UNC45A: variants seen among roughly 807,000 people sequenced by gnomAD.
The protein encoded by UNC45A is protein unc-45 homolog A.
In UNC45A, 78 loss-of-function variants were observed where a neutral mutation model predicts 103.2. The observed-to-expected ratio is 0.76, with a 90% CI of 0.63 to 0.91. UNC45A has a LOEUF of 0.91. Ranked by LOEUF, UNC45A falls within the 40% of genes least tolerant of loss-of-function variation. The probability of loss-of-function intolerance (pLI) is 0.00; values close to 1 mark genes in which losing one functional copy is unlikely to be tolerated. For synonymous variants in UNC45A, 495 were observed against 504.6 expected (o/e 0.98, Z 0.25); for missense variants, 1,193 against 1,224.8 (o/e 0.97, Z 0.39).
At position 90,953,064 on chromosome 15, in the gene UNC45A, T is replaced by G. The variant is rs1342001335; in HGVS notation, c.2421+18T>G. The G allele has an allele frequency of 5.0e-6, 8 of 1,613,518 alleles. No homozygotes were observed. Among genetic ancestry groups the G allele is most frequent in the Non-Finnish European group, 6.8e-6 (8 of 1,180,014 alleles). ...GCAAGGAGGTGAGGGTTGGTCTGGG[T>G]GCTCATGACAGGCGGGGATGCAGAG... is the stretch of plus-strand genomic sequence containing the variant. On this transcript the variant is annotated intron_variant, in intron 18 of 19. Transcript: ENST00000418476.
intron 4 of UNC45A, 145 bp downstream of exon 4, chr15:90,936,605 A>C: frequency 1.1e-6 from 1 of 949,944 alleles, no homozygotes. Context: ...AGATGACAGC[A>C]CATTACTGTT....
rs190644371 is a variant in UNC45A at position 90,935,468 on chromosome 15, C to T, written c.52-76C>T. 7.8e-5 allele frequency: 123 copies of T among 1,573,436 alleles called. No homozygotes were observed. The Middle Eastern group carries it at 8.5e-4, about 11-fold the overall frequency. The stretch of plus-strand genomic sequence containing the variant: ...CCATCCATGAGGCTCGCCCCGATCC[C>T]TCCTCTCCTCTCCCCTTAGCTCCCG... On this transcript the variant is annotated intron_variant, in intron 1 of 19. Coordinates refer to ENST00000418476, the MANE Select transcript of UNC45A (RefSeq NM_018671.5).
rs146513919 is a variant in UNC45A, at chr15:90,946,723, G to C, written c.1309G>C (p.Gly437Arg). The C allele has an allele frequency of 6.2e-7, 1 of 1,613,614 alleles. No individual in the cohort carries two copies. The highest frequency in any genetic ancestry group is 8.5e-7 in the Non-Finnish European group (1 of 1,180,040). ...DAGNRALELS[G>R]VMESVIALCA... is the part of the protein sequence containing the mutation. ...TGGCAACCGGGCCTTGGAGCTGAGCGGTGTCATGGAGAGTGTGATTGCTCT... is the reference window on the plus strand; with the variant it reads ...TGGCAACCGGGCCTTGGAGCTGAGCCGTGTCATGGAGAGTGTGATTGCTCT... The change falls in exon 10 of 20, where the codon GGT (glycine) becomes CGT (arginine). Residue 437 changes from glycine to arginine, a missense_variant. Gly to Arg is a moderately radical substitution (Grantham distance 125). Transcript: ENST00000418476.
At position 90,940,306 on chromosome 15, in the gene UNC45A, G is replaced by A; in HGVS notation, c.520G>A (p.Ala174Thr). 6.2e-7 allele frequency: 1 copy of A among 1,612,390 alleles called. No individual in the cohort carries two copies. Among genetic ancestry groups the A allele is most frequent in the Non-Finnish European group, 8.5e-7 (1 of 1,179,030 alleles). The part of the protein sequence containing the change: ...EEKGTEKKQK[A>T]SQNLVVLARE... ...TTATAATGTGCTTCCTTTGACGCAG[G>A]CTTCTCAGAACCTGGTGGTGCTGGC... Residue 174 changes from alanine to threonine, a missense_variant and splice_region_variant, in exon 6 of 20, where the codon GCT (alanine) becomes ACT (threonine). Coordinates refer to ENST00000418476, the MANE Select transcript of UNC45A (RefSeq NM_018671.5).
upstream of UNC45A, chr15:90,935,006 T>C (rs916368830): frequency 3.6e-6 from 2 of 548,778 alleles, no homozygotes; most frequent in African/African-American, 2.0e-5. Context: ...CTGATGACCG[T>C]AGACCTCGTG....
chr15:90,931,227 G>T, upstream of UNC45A: 1 of 1,545,226 alleles, frequency 6.5e-7, no homozygotes, highest in Non-Finnish European at 8.8e-7. Context: ...AATCCTGTCC[G>T]GCCTGAACGA....
At chr15:90,931,487 C>G (rs995051168), upstream of UNC45A, 1 of 1,614,022 alleles carries the variant, frequency 6.2e-7, no homozygotes, top group Non-Finnish European at 8.5e-7. Flanking sequence ...AAGCTTGGTT[C>G]AAGGCCATGA....
intron 4 of UNC45A, among the ~76,000 whole-genome samples, chr15:90,937,358 AAAG>A (rs780113967): frequency 2.4e-4 from 37 of 152,238 alleles, no homozygotes; most frequent in African/African-American, 5.8e-4. Context: ...TCAAAAAAGA[AAAG>A]AAGAAGAAAA....
upstream of UNC45A, chr15:90,931,849 C>T (rs201409981): frequency 6.2e-7 from 1 of 1,614,150 alleles, no homozygotes; most frequent in Non-Finnish European, 8.5e-7. Context: ...CATCTGTTAC[C>T]TCCTCCACCA....
rs1442337231 is a variant in UNC45A, at chr15:90,946,805, C to A, written c.1391C>A (p.Ala464Glu). 6.2e-6 allele frequency: 10 copies of A among 1,614,094 alleles called. No homozygotes were observed. Among genetic ancestry groups the A allele is most frequent in the South Asian group, 3.3e-5 (3 of 91,088 alleles). ...QLVAVEALIH[A>E]AGKAKRASFI... ...GTGGCCGTGGAGGCTCTGATCCATG[C>A]AGCCGGCAAGGCTAAGCGGGCCTCA... The change falls in exon 10 of 20, where the codon GCA (alanine) becomes GAA (glutamate). Residue 464 changes from alanine to glutamate, a missense_variant. Coordinates refer to ENST00000418476, the MANE Select transcript of UNC45A (RefSeq NM_018671.5).
chr15:90,933,144 A>ACT (rs34415136), upstream of UNC45A: 18,093 of 152,254 alleles, frequency 0.12, 1,621 homozygotes, highest in East Asian at 0.41. Context: ...ATTGCTTCAG[A>ACT]CTTAGGCTCC....
Position 90,944,040 on chromosome 15 carries a change from C to A in UNC45A, c.1028-852C>A, listed in dbSNP as rs572992577. 4.4e-5 allele frequency among the ~76,000 whole-genome samples: 5 copies of A among 113,558 alleles called. No individual in the cohort carries two copies. In the South Asian group the frequency reaches 1.5e-3, roughly 35 times the overall value. 74.5% of individuals were successfully genotyped at this position (113,558 alleles called of 152,430 possible). The stretch of plus-strand genomic sequence containing the variant: ...TGAGTGAGCATGTATTACTTCTATA[C>A]TCAGAGGAAAAAATAACGGTAGATA... On this transcript the variant is annotated intron_variant, in intron 8 of 19. Transcript: ENST00000418476.
intron 10 of UNC45A, chr15:90,947,152 A>C (rs2036617606): frequency 5.5e-6 from 3 of 540,950 alleles, no homozygotes; most frequent in Admixed American, 3.1e-5. Context: ...ATGTCACTGC[A>C]CTCCTGCCTG....
chr15:90,936,524 G>T, intron 4 of UNC45A, 64 bp downstream of exon 4: 1 of 1,546,734 alleles, frequency 6.5e-7, no homozygotes, highest in Non-Finnish European at 8.7e-7. Context: ...GGCCAGGGGT[G>T]TAGACACAGT....
At chr15:90,943,928 A>G (rs1289421046) in intron 8 of UNC45A, among the ~76,000 whole-genome samples, 3 of 148,692 alleles carry the variant, frequency 2.0e-5, no homozygotes, top group Admixed American at 2.0e-4. Flanking sequence ...ACCTCAAACA[A>G]TGCACCCACC....
intron 4 of UNC45A, among the ~76,000 whole-genome samples, 170 bp from the exon 5 acceptor site, chr15:90,939,561 G>A (rs2036184974): frequency 6.6e-6 from 1 of 152,206 alleles, no homozygotes; most frequent in Admixed American, 6.5e-5. Flanking sequence ...GGAAATTTAG[G>A]AGGCACTGCC....
rs775646985 is a variant in UNC45A at position 90,936,394 on chromosome 15, C to G, written c.360C>G (p.Ser120Arg). 10 of 1,614,232 alleles carry G rather than the reference C, an allele frequency of 6.2e-6. No individual in the cohort carries two copies. Among genetic ancestry groups the G allele is most frequent in the Non-Finnish European group, 5.1e-6 (6 of 1,180,050 alleles). The change falls in exon 4 of 20, where the codon AGC becomes AGG. Residue 120 changes from serine to arginine, a missense_variant. Physicochemically the swap from Ser to Arg is moderately radical, Grantham distance 110. Transcript: ENST00000418476. ...QAVLDLQRCV[S>R]LEPKNKVFQE... is the part of the protein sequence containing the mutation. Reference sequence around the variant, plus strand: ...TCCTTGACCTGCAGAGATGTGTGAGCTTGGAGCCCAAGAACAAAGTTTTCC... The same window carrying G: ...TCCTTGACCTGCAGAGATGTGTGAGGTTGGAGCCCAAGAACAAAGTTTTCC...
upstream of UNC45A, chr15:90,934,181 G>A (rs1596204350): frequency 2.5e-6 from 1 of 399,570 alleles, no homozygotes; most frequent in Non-Finnish European, 4.4e-6. Context: ...TGCCTCTGGT[G>A]CTATGGGCTA....
At chr15:90,934,063 G>A, upstream of UNC45A, 1 of 399,068 alleles carries the variant, frequency 2.5e-6, no homozygotes, top group African/African-American at 2.1e-5. Context: ...AGAAGGTCAG[G>A]CCCCTTGCTG....
Sources: allele counts gnomAD v4.1 joint callset (sites outside exome capture counted in the v4.1 genomes callset), GRCh38; gene constraint gnomAD v4.1.1; transcripts MANE v1.5; gene names NCBI Gene and HGNC (gene_info 2026-07-23, HGNC 2026-07-21).